ZNF250: variants seen among roughly 807,000 people sequenced by gnomAD.
ZNF250 encodes zinc finger protein 250, also known as zinc finger protein (clone 647).
In ZNF250, 13 loss-of-function variants were observed where a neutral mutation model predicts 37.1. The ratio of observed to expected loss-of-function variants is 0.35; its 90% CI spans 0.23 to 0.56. The LOEUF is 0.56. Ranked by LOEUF, ZNF250 falls within the 20% of genes least tolerant of loss-of-function variation. The pLI is 0.87. For missense variants in ZNF250, 474 were observed against 697.9 expected, an observed-to-expected ratio of 0.68 and a Z score of 3.61; for synonymous variants, 251 against 265.6, an observed-to-expected ratio of 0.94 and a Z score of 0.54.
intron 5 of ZNF250, among the ~76,000 whole-genome samples, chr8:144,883,082 C>T (rs1451909677): frequency 1.3e-5 from 2 of 152,230 alleles, no homozygotes; most frequent in African/African-American, 4.8e-5. Context: ...TGAGGTCACA[C>T]CCCTGTGTGG....
chr8:144,880,323 T>C lies in ZNF250; in HGVS notation c.*1192A>G, dbSNP rs963842858. The C allele has an allele frequency of 1.5e-5, 6 of 403,590 alleles. No individual in the cohort carries two copies. The highest frequency in any genetic ancestry group is 2.6e-5 in the Non-Finnish European group (5 of 193,814). 25.0% of individuals were successfully genotyped at this position (403,590 alleles called of 1,614,324 possible). On this transcript the variant is annotated 3_prime_UTR_variant, in exon 6 of 6. Coordinates refer to ENST00000417550, the MANE Select transcript of ZNF250 (RefSeq NM_001109689.4). ...CTACCAAAGAACAGTATTTTCAGCA[T>C]TGTTTTGGGGGAAATACCATAAGAT... is the stretch of plus-strand genomic sequence containing the variant.
At position 144,882,264 on chromosome 8, in the gene ZNF250, C is replaced by A; in HGVS notation, c.919G>T (p.Val307Leu). Residue 307 changes from valine to leucine, a missense_variant, in exon 6 of 6, where the codon GTG (valine) becomes TTG (leucine). Coordinates refer to ENST00000417550, the MANE Select transcript of ZNF250 (RefSeq NM_001109689.4). This position sits in a 1 kb window ranked among gnomAD's most constrained non-coding sequence, Gnocchi z 5.5. Reference sequence around the variant, plus strand: ...AAGGCTTTCCCACACAACGGACACACATATGGCCTTTCTCCCGTGTGGATC... The same window carrying A: ...AAGGCTTTCCCACACAACGGACACAAATATGGCCTTTCTCCCGTGTGGATC... The part of the protein sequence containing the change: ...QRIHTGERPY[V>L]CPLCGKAFNH... The A allele has an allele frequency of 6.2e-7, 1 of 1,614,040 alleles. No homozygotes were observed. Among genetic ancestry groups the A allele is most frequent in the Non-Finnish European group, 8.5e-7 (1 of 1,179,944 alleles).
At chr8:144,889,795 T>G in intron 3 of ZNF250, 101 bp from the exon 4 acceptor site, 1 of 1,458,456 alleles carries the variant, frequency 6.9e-7, no homozygotes, top group Non-Finnish European at 9.2e-7. Context: ...AGGACTGATC[T>G]TCTGCTGGAG....
In ZNF250 at chr8:144,901,256, G is replaced by C. The variant is rs1407266020; in HGVS notation, c.-55+143C>G. 2.0e-5 allele frequency: 3 copies of C among 152,404 alleles called. No individual in the cohort carries two copies. The highest frequency in any genetic ancestry group is 7.2e-5 in the African/African-American group (3 of 41,460). 9.4% of individuals were successfully genotyped at this position (152,404 alleles called of 1,614,324 possible). A position where few individuals can be genotyped will look rare whatever the true frequency, so the allele number is the denominator to read the frequency against. On this transcript the variant is annotated intron_variant, in intron 1 of 5. Coordinates refer to ENST00000417550, the MANE Select transcript of ZNF250 (RefSeq NM_001109689.4). This position sits in a 1 kb window ranked among gnomAD's most constrained non-coding sequence, Gnocchi z 5.4. ...CTGGGGAGGAGGCCGCCGCGCGTCC[G>C]TGAGGGGAGGGGACCAGCGTAAACG...
Position 144,880,399 on chromosome 8 carries a change from A to C in ZNF250, c.*1116T>G, listed in dbSNP as rs1831386096. 2 of 456,658 alleles carry C rather than the reference A, an allele frequency of 4.4e-6. No homozygotes were observed. Among genetic ancestry groups the C allele is most frequent in the Admixed American group, 2.3e-5 (1 of 42,566 alleles). 28.3% of individuals were successfully genotyped at this position (456,658 alleles called of 1,614,324 possible). On this transcript the variant is annotated 3_prime_UTR_variant, in exon 6 of 6. Coordinates refer to ENST00000417550, the MANE Select transcript of ZNF250 (RefSeq NM_001109689.4). Reference sequence around the variant, plus strand: ...CAGCTATGAGGTCTGCTGAGTGTGAAGCTCCCCTCCTTTGCCTGCATGGGA... The same window carrying C: ...CAGCTATGAGGTCTGCTGAGTGTGACGCTCCCCTCCTTTGCCTGCATGGGA...
At chr8:144,895,747 T>C (rs751068400) in intron 1 of ZNF250, among the ~76,000 whole-genome samples, 2 of 151,954 alleles carry the variant, frequency 1.3e-5, no homozygotes, top group Non-Finnish European at 2.9e-5. Context: ...CAGTGGCTCA[T>C]ACCTGTAATC....
chr8:144,882,617 C>G lies in ZNF250; in HGVS notation c.566G>C (p.Ser189Thr). ...MPLTPHQAVP[S>T]GERPYMCVEC... ...AACACACATGTAGGGCCTCTCTCCA[C>G]TAGGCACTGCCTGGTGCGGAGTGAG... The change falls in exon 6 of 6, where the codon AGT (serine) becomes ACT (threonine). Residue 189 changes from serine (S) to threonine (T), a missense_variant. Transcript: ENST00000417550. The surrounding 1 kb of genome is among the most constrained non-coding windows in gnomAD (Gnocchi z 5.5). 6.2e-7 allele frequency: 1 copy of G among 1,614,044 alleles called. No individual in the cohort carries two copies. Among genetic ancestry groups the G allele is most frequent in the Non-Finnish European group, 8.5e-7 (1 of 1,179,934 alleles).
In ZNF250 at chr8:144,882,111, C is replaced by T. The variant is rs770772158; in HGVS notation, c.1072G>A (p.Gly358Arg). 1.4e-5 allele frequency: 22 copies of T among 1,613,908 alleles called. No homozygotes were observed. Among genetic ancestry groups the T allele is most frequent in the African/African-American group, 1.1e-4 (8 of 74,884 alleles). The change falls in exon 6 of 6, where the codon GGG becomes AGG. Residue 358 changes from glycine (G) to arginine (R), a missense_variant. Transcript: ENST00000417550. This position sits in a 1 kb window ranked among gnomAD's most constrained non-coding sequence, Gnocchi z 5.5. ...TLLQHQRIHT[G>R]EKPYTCSECG... The stretch of plus-strand genomic sequence containing the variant: ...TCGCTGCACGTGTAGGGCTTCTCCC[C>T]GGTGTGGATCCTCTGGTGCTGCAGC...
intron 3 of ZNF250, 113 bp downstream of exon 3, chr8:144,889,820 A>G: frequency 6.9e-7 from 1 of 1,457,838 alleles, no homozygotes; most frequent in East Asian, 2.4e-5. Context: ...GCACCCAGAG[A>G]GGTGATGAGA....
intron 4 of ZNF250, among the ~76,000 whole-genome samples, chr8:144,888,557 C>T (rs1442944307): frequency 7.0e-6 from 1 of 142,428 alleles, no homozygotes; most frequent in South Asian, 2.2e-4. Context: ...AGACTCATGC[C>T]ACTGCATTCC....
chr8:144,902,012 T>C (rs1343352130), upstream of ZNF250: 1 of 152,288 alleles, frequency 6.6e-6, no homozygotes, highest in Non-Finnish European at 1.5e-5. Context: ...AACACTGAAG[T>C]CCTCTTGTTT....
At chr8:144,898,552 C>T (rs1832877858) in intron 1 of ZNF250, among the ~76,000 whole-genome samples, 1 of 152,008 alleles carries the variant, frequency 6.6e-6, no homozygotes, top group Admixed American at 6.6e-5. Flanking sequence ...TTGGGTAAGA[C>T]CTCAAAAGCA....
At chr8:144,895,094 G>A (rs563524572) in intron 1 of ZNF250, 1 of 152,188 alleles carries the variant, frequency 6.6e-6, no homozygotes, top group African/African-American at 2.4e-5. Context: ...TTAAGAAGGC[G>A]ACCTAGCAGT....
Position 144,890,533 on chromosome 8 carries a change from C to T in ZNF250, c.-54-130G>A. On this transcript the variant is annotated intron_variant, in intron 1 of 5. Transcript: ENST00000417550. This position sits in a 1 kb window ranked among gnomAD's most constrained non-coding sequence, Gnocchi z 5.1. ...CACTGAGGTCAGGTGCAAGGAGCTG[C>T]TACTGTTGCAGCCTTGGTCTGCCTT... 2.0e-6 allele frequency: 1 copy of T among 499,998 alleles called. No individual in the cohort carries two copies. Among genetic ancestry groups the T allele is most frequent in the East Asian group, 3.0e-5 (1 of 32,870 alleles). The allele number at this position is 499,998 out of a possible 1,614,324, so 31.0% of individuals were successfully genotyped here.
intron 5 of ZNF250, among the ~76,000 whole-genome samples, chr8:144,885,588 CA>C (rs1831816574): frequency 6.6e-6 from 1 of 152,164 alleles, no homozygotes. Flanking sequence ...TCTCAGCCTC[CA>C]TGTGGCTGGG....
chr8:144,881,272 C>G lies in ZNF250; in HGVS notation c.*243G>C. 2.3e-6 allele frequency: 1 copy of G among 438,126 alleles called. No individual in the cohort carries two copies. The highest frequency in any genetic ancestry group is 3.8e-6 in the Non-Finnish European group (1 of 261,970). The allele number at this position is 438,126 out of a possible 1,614,324, so 27.1% of individuals were successfully genotyped here. A position where few individuals can be genotyped will look rare whatever the true frequency, so the allele number is the denominator to read the frequency against. Reference sequence around the variant, plus strand: ...ATTATGGCTGTTTTTTACCAAAATTCTCTACAATTGTATGATTACTCTCCA... The same window carrying G: ...ATTATGGCTGTTTTTTACCAAAATTGTCTACAATTGTATGATTACTCTCCA... On this transcript the variant is annotated 3_prime_UTR_variant, in exon 6 of 6. Transcript: ENST00000417550.
In ZNF250 at chr8:144,891,650, G is replaced by A. The variant is rs1358316218; in HGVS notation, c.-54-1247C>T. On this transcript the variant is annotated intron_variant, in intron 1 of 5. Transcript: ENST00000417550. This position sits in a 1 kb window ranked among gnomAD's most constrained non-coding sequence, Gnocchi z 4.0. The stretch of plus-strand genomic sequence containing the variant: ...GCGGATCACCCGAGGTTGGGAGTTC[G>A]AGACCAGCCATGACCAACATGGGGA... 2.0e-5 allele frequency among the ~76,000 whole-genome samples: 3 copies of A among 152,072 alleles called. No homozygotes were observed. Among genetic ancestry groups the A allele is most frequent in the African/African-American group, 7.2e-5 (3 of 41,386 alleles).
chr8:144,902,140 C>T (rs367756876), upstream of ZNF250: 21 of 152,430 alleles, frequency 1.4e-4, no homozygotes, highest in South Asian at 3.3e-3. Flanking sequence ...CGTCACTGAA[C>T]AGCGACCGTC....
rs897479769 is a variant in ZNF250, at chr8:144,877,683, G to A, written c.*3832C>T. On this transcript the variant is annotated 3_prime_UTR_variant, in exon 6 of 6. Transcript: ENST00000417550. ...ACTTCCTGGCTCCGTGGACACCTGA[G>A]CCTGCATTCTCACCAGTGGATCAAT... The A allele has an allele frequency of 3.9e-5, 6 of 152,218 alleles. No individual in the cohort carries two copies. The highest frequency in any genetic ancestry group is 6.5e-5 in the Admixed American group (1 of 15,284). 9.4% of individuals were successfully genotyped at this position (152,218 alleles called of 1,614,324 possible).
Sources: allele counts gnomAD v4.1 joint callset (sites outside exome capture counted in the v4.1 genomes callset), GRCh38; gene constraint gnomAD v4.1.1; non-coding constraint Gnocchi (gnomAD v3.1); transcripts MANE v1.5; gene names NCBI Gene and HGNC (gene_info 2026-07-23, HGNC 2026-07-21).